ZCCHC2: variants seen among roughly 807,000 people sequenced by gnomAD.
The protein encoded by ZCCHC2 is zinc finger CCHC-type containing 2.
Under a neutral mutation model 103.6 loss-of-function variants are expected in ZCCHC2, and 39 were observed. The observed-to-expected ratio is 0.38, with a 90% CI of 0.29 to 0.49. The LOEUF (loss-of-function observed/expected upper bound fraction) is 0.49, where lower values mean the gene tolerates loss of function less well. Among genes scored for constraint, ZCCHC2 ranks in the 20% least tolerant of loss-of-function variants. The pLI is 0.96. For synonymous variants in ZCCHC2, 687 were observed against 608.9 expected, an observed-to-expected ratio of 1.13 and a Z score of -1.89; for missense variants, 1,483 against 1,491.0, an observed-to-expected ratio of 0.99 and a Z score of 0.09.
intron 14 of ZCCHC2, among the ~76,000 whole-genome samples, chr18:62,583,785 G>C (rs1419427837): frequency 2.0e-5 from 3 of 152,050 alleles, no homozygotes; most frequent in Non-Finnish European, 4.4e-5. Flanking sequence ...ACGTAGTCAC[G>C]ACATCTCTAC....
chr18:62,532,377 G>A (rs886537315), intron 1 of ZCCHC2, among the ~76,000 whole-genome samples: 3 of 152,076 alleles, frequency 2.0e-5, no homozygotes, highest in South Asian at 4.1e-4. Flanking sequence ...GGGACTTTAC[G>A]CCAAGACTTT....
At chr18:62,554,229 G>C (rs765234522) in intron 5 of ZCCHC2, among the ~76,000 whole-genome samples, 1 of 152,200 alleles carries the variant, frequency 6.6e-6, no homozygotes, top group African/African-American at 2.4e-5. Flanking sequence ...GTCATCATTT[G>C]TGTCTCAGAA....
chr18:62,529,511 C>T (rs1020900864), intron 1 of ZCCHC2, among the ~76,000 whole-genome samples: 4 of 152,144 alleles, frequency 2.6e-5, no homozygotes, highest in Non-Finnish European at 4.4e-5. Context: ...ACAGCTATGT[C>T]TTTCATGGGA....
chr18:62,559,544 A>G lies in ZCCHC2; in HGVS notation c.1492+774A>G, dbSNP rs539856234. ...ACTGCTGATGGGGATATAAATTGACAGAACTATTTTGGACGAAATTTGGTG... is the reference window on the plus strand; with the variant it reads ...ACTGCTGATGGGGATATAAATTGACGGAACTATTTTGGACGAAATTTGGTG... On this transcript the variant is annotated intron_variant, in intron 7 of 13. Transcript: ENST00000269499. 1.7e-4 allele frequency among the ~76,000 whole-genome samples: 26 copies of G among 152,360 alleles called. 1 individual carries two copies. Among genetic ancestry groups the G allele is most frequent in the African/African-American group, 5.1e-4 (21 of 41,574 alleles).
At chr18:62,532,420 C>A (rs1914723243) in intron 1 of ZCCHC2, among the ~76,000 whole-genome samples, 2 of 152,178 alleles carry the variant, frequency 1.3e-5, no homozygotes, top group African/African-American at 2.4e-5. Context: ...TGCTTTTTAG[C>A]CTTCCCACTT....
intron 11 of ZCCHC2, among the ~76,000 whole-genome samples, chr18:62,567,098 A>G (rs1916401614): frequency 6.6e-6 from 1 of 152,232 alleles, no homozygotes; most frequent in African/African-American, 2.4e-5. Context: ...AAAATGACTG[A>G]ATGAAATATT....
intron 4 of ZCCHC2, among the ~76,000 whole-genome samples, chr18:62,548,992 G>T (rs986757574): frequency 3.9e-5 from 6 of 152,056 alleles, no homozygotes; most frequent in Non-Finnish European, 7.4e-5. Context: ...GGTCAGGGCG[G>T]GTGGATCACG....
intron 5 of ZCCHC2, among the ~76,000 whole-genome samples, chr18:62,552,742 T>C (rs1416636461): frequency 1.3e-5 from 2 of 151,978 alleles, no homozygotes; most frequent in African/African-American, 4.8e-5. Context: ...ATTTTTTAAT[T>C]AGCTGGGTGT....
intron 12 of ZCCHC2, among the ~76,000 whole-genome samples, chr18:62,571,213 A>C (rs536461462): frequency 3.0e-4 from 45 of 152,322 alleles, no homozygotes; most frequent in African/African-American, 1.1e-3. Context: ...GCTGCCAGAC[A>C]GTCAAATGGT....
chr18:62,533,624 T>C (rs577332068), intron 1 of ZCCHC2, among the ~76,000 whole-genome samples: 1 of 152,226 alleles, frequency 6.6e-6, no homozygotes, highest in East Asian at 1.9e-4. Context: ...CCCAGCACTT[T>C]GGGAGGCCAA....
chr18:62,553,624 A>G (rs1330226021), intron 5 of ZCCHC2, among the ~76,000 whole-genome samples: 1 of 152,178 alleles, frequency 6.6e-6, no homozygotes, highest in Non-Finnish European at 1.5e-5. Context: ...AGTTACATGT[A>G]TTTTTAATAT....
In ZCCHC2 at chr18:62,558,438, C is replaced by G. The variant is rs990249306; in HGVS notation, c.1409-249C>G. The G allele has an allele frequency of 1.2e-5, 3 of 250,752 alleles. No homozygotes were observed. The Admixed American group carries it at 1.7e-4, about 14-fold the overall frequency. 15.5% of individuals were successfully genotyped at this position (250,752 alleles called of 1,614,324 possible). A position where few individuals can be genotyped will look rare whatever the true frequency, so the allele number is the denominator to read the frequency against. On this transcript the variant is annotated intron_variant, in intron 6 of 13. Coordinates refer to ENST00000269499, the MANE Select transcript of ZCCHC2 (RefSeq NM_017742.6). ...TTTCCTCATTTTGCACATGAGCACA[C>G]TGGGGCTGACAGATATGAAATGACT...
intron 1 of ZCCHC2, among the ~76,000 whole-genome samples, chr18:62,538,993 A>G (rs1915056116): frequency 1.1e-5 from 1 of 94,656 alleles, no homozygotes; most frequent in Non-Finnish European, 2.6e-5. Flanking sequence ...CTATTTATTT[A>G]CTTACTTAAT....
intron 5 of ZCCHC2, among the ~76,000 whole-genome samples, chr18:62,555,135 G>A (rs1915831088): frequency 6.6e-6 from 1 of 152,200 alleles, no homozygotes; most frequent in Admixed American, 6.5e-5. Context: ...ATTGGAAGTT[G>A]AAAGGCTAAC....
intron 12 of ZCCHC2, 73 bp downstream of exon 12, chr18:62,570,304 T>C (rs1916544330): frequency 6.5e-7 from 1 of 1,545,644 alleles, no homozygotes; most frequent in African/African-American, 1.4e-5. Flanking sequence ...GTGTTGTTTC[T>C]TCATGTCAAA....
At chr18:62,567,668 G>A (rs1043202336) in intron 11 of ZCCHC2, among the ~76,000 whole-genome samples, 4 of 152,086 alleles carry the variant, frequency 2.6e-5, no homozygotes, top group African/African-American at 9.7e-5. Flanking sequence ...CCATGGCCAG[G>A]CGCGGTGGCT....
At chr18:62,566,604 C>G (rs2145526361) in intron 11 of ZCCHC2, among the ~76,000 whole-genome samples, 1 of 152,316 alleles carries the variant, frequency 6.6e-6, no homozygotes, top group African/African-American at 2.4e-5. Flanking sequence ...TGTCTCTTGT[C>G]TCACAGTGTT....
At chr18:62,573,979 T>A in intron 12 of ZCCHC2, 78 bp from the exon 13 acceptor site, 1 of 1,380,504 alleles carries the variant, frequency 7.2e-7, no homozygotes, top group Non-Finnish European at 9.8e-7. Context: ...TACTTTGAGG[T>A]ATACTCAATG....
In ZCCHC2 at chr18:62,558,744, G is replaced by C. The variant is rs1915994055; in HGVS notation, c.1466G>C (p.Ser489Thr). The change falls in exon 7 of 14, where the codon AGC becomes ACC. Residue 489 changes from serine (S) to threonine (T), a missense_variant. Transcript: ENST00000269499. ...SKILEHLKED[S>T]SEASSQEEDV... ...ATATTAGAACACTTAAAAGAAGACAGCTCTGAAGCTTCAAGTCAAGAAGAA... is the reference window on the plus strand; with the variant it reads ...ATATTAGAACACTTAAAAGAAGACACCTCTGAAGCTTCAAGTCAAGAAGAA... The C allele has an allele frequency of 6.5e-7, 1 of 1,546,296 alleles. No individual in the cohort carries two copies. Among genetic ancestry groups the C allele is most frequent in the Non-Finnish European group, 8.7e-7 (1 of 1,144,908 alleles).
Sources: gnomAD v4.1 joint callset for allele counts (sites outside exome capture counted in the v4.1 genomes callset) on GRCh38, gnomAD v4.1.1 for gene constraint, MANE v1.5 for transcripts, NCBI Gene and HGNC (gene_info 2026-07-23, HGNC 2026-07-21) for gene names.